The following SH3BGRL2 variants were observed in gnomAD, a reference collection of about 807,000 sequenced individuals.
The protein encoded by SH3BGRL2 is SH3 domain-binding glutamic acid-rich-like protein 2.
Under a neutral mutation model 14.8 loss-of-function variants are expected in SH3BGRL2, and 21 were observed. The ratio of observed to expected loss-of-function variants is 1.42; its 90% CI spans 1.01 to 2.05. The LOEUF (loss-of-function observed/expected upper bound fraction) is 2.05. Ranked by LOEUF, SH3BGRL2 falls within the 30% of genes most tolerant of loss-of-function variation. The pLI is 0.00. For synonymous variants in SH3BGRL2, 50 were observed against 47.8 expected (o/e 1.05, Z -0.19); for missense variants, 147 against 130.8 (o/e 1.12, Z -0.61).
At position 79,695,426 on chromosome 6, in the gene SH3BGRL2, G is replaced by A. The variant is rs564830322; in HGVS notation, c.232-1059G>A. On this transcript the variant is annotated intron_variant, in intron 2 of 3. Transcript: ENST00000369838. ...AGACAAGGCATGCGTTGCAGGAAGC[G>A]AATCTCTACAAGTCTAGATGCCGTT... is the stretch of plus-strand genomic sequence containing the variant. 5.9e-5 allele frequency among the ~76,000 whole-genome samples: 9 copies of A among 152,180 alleles called. No individual in the cohort carries two copies. The South Asian group carries it at 1.4e-3, about 24-fold the overall frequency.
chr6:79,640,283 A>G (rs966403234), intron 1 of SH3BGRL2, among the ~76,000 whole-genome samples: 6 of 152,196 alleles, frequency 3.9e-5, no homozygotes, highest in African/African-American at 1.4e-4. Flanking sequence ...CTAGTTTCAC[A>G]GTGGACTGTG....
intron 1 of SH3BGRL2, among the ~76,000 whole-genome samples, chr6:79,671,661 G>A (rs1243297503): frequency 6.6e-6 from 1 of 152,214 alleles, no homozygotes; most frequent in East Asian, 1.9e-4. Context: ...CTGGAATTAA[G>A]CCCAGCACAT....
intron 1 of SH3BGRL2, among the ~76,000 whole-genome samples, chr6:79,667,680 C>T (rs1769687656): frequency 6.6e-6 from 1 of 152,262 alleles, no homozygotes; most frequent in East Asian, 1.9e-4. Context: ...CTCCTGACCT[C>T]AGGTGATCTG....
chr6:79,639,542 A>T (rs1463293597), intron 1 of SH3BGRL2, among the ~76,000 whole-genome samples: 1 of 152,188 alleles, frequency 6.6e-6, no homozygotes, highest in African/African-American at 2.4e-5. Context: ...GTGAGCCGAG[A>T]TTGCACTACT....
chr6:79,549,378 A>G, the SH3BGRL2 span, among the ~76,000 whole-genome samples: 7 of 152,232 alleles, frequency 4.6e-5, no homozygotes, highest in East Asian at 3.8e-4. Flanking sequence ...GCTATCATCA[A>G]TGTAAACATA....
At chr6:79,559,107 C>T in the SH3BGRL2 span, among the ~76,000 whole-genome samples, 609 of 152,126 alleles carry the variant, frequency 4.0e-3, 5 homozygotes, top group African/African-American at 0.014. Flanking sequence ...CTGATTTTTC[C>T]ACTGTATAGT....
At chr6:79,620,948 A>G in the SH3BGRL2 span, among the ~76,000 whole-genome samples, 1 of 152,090 alleles carries the variant, frequency 6.6e-6, no homozygotes. Flanking sequence ...TTTTAAATAG[A>G]GTTGGGGTTT....
chr6:79,575,388 T>C, the SH3BGRL2 span: 1 of 152,180 alleles, frequency 6.6e-6, no homozygotes, highest in Admixed American at 6.5e-5. Context: ...GGTTTATTAA[T>C]ATCTTTTGTA....
intron 1 of SH3BGRL2, among the ~76,000 whole-genome samples, chr6:79,641,540 G>A (rs959525079): frequency 6.6e-6 from 1 of 152,146 alleles, no homozygotes; most frequent in Admixed American, 6.5e-5. Flanking sequence ...ACTGATGAAA[G>A]GCATGACCTT....
intron 2 of SH3BGRL2, among the ~76,000 whole-genome samples, chr6:79,689,260 A>G (rs1274692108): frequency 1.3e-5 from 2 of 148,660 alleles, no homozygotes; most frequent in Non-Finnish European, 3.0e-5. Context: ...GGTGGATCCC[A>G]TTCAATTTTT....
chr6:79,683,824 C>T (rs934290722), intron 2 of SH3BGRL2, among the ~76,000 whole-genome samples: 1 of 152,192 alleles, frequency 6.6e-6, no homozygotes, highest in African/African-American at 2.4e-5. Flanking sequence ...TTCCCTCTGC[C>T]TCTTGGAGTT....
At chr6:79,596,437 A>G in the SH3BGRL2 span, among the ~76,000 whole-genome samples, 1 of 152,086 alleles carries the variant, frequency 6.6e-6, no homozygotes, top group Non-Finnish European at 1.5e-5. Flanking sequence ...CTGGGACTAC[A>G]GGCATGTGCC....
chr6:79,636,278 C>T (rs955590289), intron 1 of SH3BGRL2, among the ~76,000 whole-genome samples: 2 of 152,146 alleles, frequency 1.3e-5, no homozygotes, highest in African/African-American at 4.8e-5. Context: ...CCTGTGGGCT[C>T]TGTAGCATCC....
chr6:79,658,601 ATATG>A (rs1769472773), intron 1 of SH3BGRL2, among the ~76,000 whole-genome samples: 1 of 152,216 alleles, frequency 6.6e-6, no homozygotes, highest in African/African-American at 2.4e-5. Flanking sequence ...TGGAATAAAC[ATATG>A]TGTGCATGTG....
the SH3BGRL2 span, among the ~76,000 whole-genome samples, chr6:79,570,377 A>G: frequency 6.6e-6 from 1 of 152,276 alleles, no homozygotes; most frequent in East Asian, 1.9e-4. Flanking sequence ...AGCTCAAATC[A>G]TTTTGCATTA....
the SH3BGRL2 span, among the ~76,000 whole-genome samples, chr6:79,586,235 CTTTTTTTTTTT>C: frequency 5.5e-5 from 3 of 54,962 alleles, no homozygotes; most frequent in Non-Finnish European, 9.4e-5. Flanking sequence ...GTATGGACTT[CTTTTTTTTTTT>C]TTTTTTTTTT....
At chr6:79,586,885 T>C in the SH3BGRL2 span, among the ~76,000 whole-genome samples, 1 of 152,228 alleles carries the variant, frequency 6.6e-6, no homozygotes, top group African/African-American at 2.4e-5. Context: ...AAAGGTGTTG[T>C]GTGGGCCAAT....
chr6:79,690,432 A>G (rs1053433365), intron 2 of SH3BGRL2, among the ~76,000 whole-genome samples: 8 of 152,192 alleles, frequency 5.3e-5, no homozygotes, highest in African/African-American at 1.9e-4. Flanking sequence ...TAAACAAGAC[A>G]GGGGCAATTT....
the SH3BGRL2 span, among the ~76,000 whole-genome samples, chr6:79,550,286 G>GT: frequency 0.012 from 1,791 of 152,254 alleles, 35 homozygotes; most frequent in African/African-American, 0.041. Context: ...ACAGGAAAAG[G>GT]TAGAAGCTGG....
Sources: gnomAD v4.1 joint callset for allele counts (sites outside exome capture counted in the v4.1 genomes callset) on GRCh38, gnomAD v4.1.1 for gene constraint, MANE v1.5 for transcripts, NCBI Gene and HGNC (gene_info 2026-07-23, HGNC 2026-07-21) for gene names.